PALD1: variants seen among roughly 807,000 people sequenced by gnomAD.
The protein encoded by PALD1 is paladin.
PALD1 carries 57 observed loss-of-function variants against 96.0 expected under a neutral mutation model. The observed-to-expected ratio is 0.59, with a 90% CI of 0.48 to 0.74. The LOEUF (loss-of-function observed/expected upper bound fraction) is 0.74. Ranked by LOEUF, PALD1 falls within the 30% of genes least tolerant of loss-of-function variation. The pLI is 0.00. For synonymous variants in PALD1, 464 were observed against 473.6 expected, an observed-to-expected ratio of 0.98 and a Z score of 0.26; for missense variants, 1,063 against 1,143.7, an observed-to-expected ratio of 0.93 and a Z score of 1.02.
chr10:70,534,628 T>C (rs1847070882), intron 9 of PALD1, 104 bp downstream of exon 9: 3 of 1,149,746 alleles, frequency 2.6e-6, no homozygotes, highest in Non-Finnish European at 3.8e-6. Flanking sequence ...CCCCTACCTC[T>C]CTGCCAATCT....
chr10:70,492,408 G>C (rs1290670509), intron 1 of PALD1, among the ~76,000 whole-genome samples: 1 of 151,638 alleles, frequency 6.6e-6, no homozygotes, highest in Non-Finnish European at 1.5e-5. Flanking sequence ...GTTAAGTCAG[G>C]GGCTATCTGC....
In PALD1 at chr10:70,534,757, G is replaced by A. The variant is rs1326234828; in HGVS notation, c.1141G>A (p.Ala381Thr). ...GCACCAGGTGGACAGAGCCATCACTGCCTGTGCCGAGTTGCATGACCTGAA... is the reference window on the plus strand; with the variant it reads ...GCACCAGGTGGACAGAGCCATCACTACCTGTGCCGAGTTGCATGACCTGAA... ...MVEEVDRAIT[A>T]CAELHDLKEV... is the part of the protein sequence containing the mutation. Residue 381 changes from alanine (A) to threonine (T), a missense_variant, in exon 10 of 20, where the codon GCC becomes ACC. Physicochemically the swap from Ala to Thr is moderately conservative, Grantham distance 58. Transcript: ENST00000263563. The A allele has an allele frequency of 2.5e-6, 4 of 1,609,816 alleles. No homozygotes were observed. Among genetic ancestry groups the A allele is most frequent in the African/African-American group, 1.3e-5 (1 of 74,536 alleles).
the PALD1 span, among the ~76,000 whole-genome samples, chr10:70,467,158 G>A: frequency 6.6e-6 from 1 of 152,132 alleles, no homozygotes; most frequent in Admixed American, 6.5e-5. Flanking sequence ...TATGGGAGGT[G>A]TTGAGTGTTG....
chr10:70,545,435 G>T (rs561008529), intron 17 of PALD1, among the ~76,000 whole-genome samples: 86 of 152,142 alleles, frequency 5.7e-4, no homozygotes, highest in African/African-American at 1.9e-3. Context: ...AGGGGGATGG[G>T]GGTCTGGATC....
intron 19 of PALD1, among the ~76,000 whole-genome samples, chr10:70,565,839 A>C (rs1479619137): frequency 6.6e-6 from 1 of 152,016 alleles, no homozygotes; most frequent in Non-Finnish European, 1.5e-5. Context: ...CTTGGAGAGC[A>C]GAAGTTGGGG....
chr10:70,566,581 GTGGCATCGAAGGC>G lies in PALD1; in HGVS notation c.2427_2439del (p.Lys810ThrfsTer63). The G allele has an allele frequency of 1.9e-6, 3 of 1,607,168 alleles. No individual in the cohort carries two copies. The highest frequency in any genetic ancestry group is 1.7e-6 in the Non-Finnish European group (2 of 1,177,048). The stretch of plus-strand genomic sequence containing the variant: ...GCTCCTGCCTCTGCTCTCCTCCCAG[GTGGCATCGAAGGC>G]TGGCATCTACGAGATCCTTAACGAG... On this transcript the variant is annotated frameshift_variant and splice_region_variant, in exon 20 of 20. Coordinates refer to ENST00000263563, the MANE Select transcript of PALD1 (RefSeq NM_014431.3). LOFTEE classifies it high-confidence loss of function.
chr10:70,506,774 A>G (rs920386291), intron 1 of PALD1, among the ~76,000 whole-genome samples: 2 of 151,522 alleles, frequency 1.3e-5, no homozygotes, highest in East Asian at 1.9e-4. Context: ...CAATCAGGCA[A>G]CTCTCCCTCA....
rs751416965 is a variant in PALD1, at chr10:70,541,125, C to T, written c.1932C>T (p.Ala644=). ...AGGACTTTGACCAGCTGCTGGAGGC[C>T]CTGCGGGCCGCCCTCTCCAAGGACC... ...REEDFDQLLE[A]LRAALSKDPG... The change falls in exon 16 of 20, where the codon GCC becomes GCT. Residue 644 remains alanine (A), a synonymous_variant. Transcript: ENST00000263563. 3.7e-6 allele frequency: 6 copies of T among 1,610,204 alleles called. No homozygotes were observed. The South Asian group carries it at 6.6e-5, about 18-fold the overall frequency.
intron 9 of PALD1, 79 bp from the exon 10 acceptor site, chr10:70,534,660 C>A: frequency 8.1e-7 from 1 of 1,229,034 alleles, no homozygotes; most frequent in Non-Finnish European, 1.2e-6. Context: ...TCTCTTTTCT[C>A]TTTTCTCCTG....
At chr10:70,518,706 T>C (rs1022556127) in intron 1 of PALD1, among the ~76,000 whole-genome samples, 2 of 152,198 alleles carry the variant, frequency 1.3e-5, no homozygotes, top group African/African-American at 4.8e-5. Flanking sequence ...ATAATATACG[T>C]CAAACGCCTT....
At chr10:70,490,453 G>A (rs1846080933) in intron 1 of PALD1, among the ~76,000 whole-genome samples, 1 of 152,070 alleles carries the variant, frequency 6.6e-6, no homozygotes, top group Admixed American at 6.6e-5. Flanking sequence ...CTGAGCTCAG[G>A]ACTCCCTTTT....
Position 70,502,068 on chromosome 10 carries a change from G to C in PALD1, c.-30+23009G>C, listed in dbSNP as rs113136360. ...AATCCCAGTGCCCTGGGAGACTGAG[G>C]CAGGAGCATTAGTTGAGGCCAGGAG... On this transcript the variant is annotated intron_variant, in intron 1 of 19. Transcript: ENST00000263563. 8.8e-3 allele frequency among the ~76,000 whole-genome samples: 1,337 copies of C among 152,250 alleles called. 19 individuals are homozygous for C. Among genetic ancestry groups the C allele is most frequent in the African/African-American group, 0.031 (1,295 of 41,530 alleles).
In PALD1 at chr10:70,507,886, A is replaced by C. The variant is rs184740461; in HGVS notation, c.-29-18037A>C. Among the ~76,000 whole-genome samples, 928 of 152,176 alleles carry C rather than the reference A, an allele frequency of 6.1e-3. 3 individuals carry two copies. Among genetic ancestry groups the C allele is most frequent in the Non-Finnish European group, 0.01 (712 of 68,006 alleles). ...AAATTTTCCCTGTTTTGTTTATCCA[A>C]GTGGCTCCTTTGTGCCAAGCACAGG... On this transcript the variant is annotated intron_variant, in intron 1 of 19. Transcript: ENST00000263563.
the PALD1 span, among the ~76,000 whole-genome samples, chr10:70,458,847 G>T: frequency 6.6e-6 from 1 of 152,210 alleles, no homozygotes; most frequent in Non-Finnish European, 1.5e-5. Flanking sequence ...GGAAGGGTGG[G>T]ATGTGCCTGC....
At chr10:70,560,695 C>T (rs563528142) in intron 18 of PALD1, among the ~76,000 whole-genome samples, 4 of 152,006 alleles carry the variant, frequency 2.6e-5, no homozygotes, top group African/African-American at 7.2e-5. Context: ...TCATGAGAGC[C>T]CCTGCTGGCA....
At chr10:70,467,221 TG>T in the PALD1 span, among the ~76,000 whole-genome samples, 1 of 152,022 alleles carries the variant, frequency 6.6e-6, no homozygotes, top group African/African-American at 2.4e-5. Flanking sequence ...AGAGGCCCCC[TG>T]GGGAGCTGGA....
the PALD1 span, among the ~76,000 whole-genome samples, chr10:70,472,885 G>T: frequency 6.6e-6 from 1 of 152,146 alleles, no homozygotes; most frequent in Non-Finnish European, 1.5e-5. Context: ...CTCCTATTAT[G>T]AACTTCCTCT....
the PALD1 span, among the ~76,000 whole-genome samples, chr10:70,462,695 C>A: frequency 1.3e-5 from 2 of 152,242 alleles, no homozygotes; most frequent in Admixed American, 1.3e-4. Context: ...CCTTGTGCCC[C>A]CCTGGCACTG....
At chr10:70,565,754 G>T (rs1847834918) in intron 19 of PALD1, among the ~76,000 whole-genome samples, 2 of 152,298 alleles carry the variant, frequency 1.3e-5, no homozygotes, top group Admixed American at 6.5e-5. Context: ...GCAGGCCTGG[G>T]CTCAGCTTCC....
Sources: allele counts gnomAD v4.1 joint callset (sites outside exome capture counted in the v4.1 genomes callset), GRCh38; gene constraint gnomAD v4.1.1; transcripts MANE v1.5; gene names NCBI Gene and HGNC (gene_info 2026-07-23, HGNC 2026-07-21).